Variants in KCTD10 observed in about 807,000 individuals in gnomAD.
KCTD10 encodes the protein potassium channel tetramerization domain containing 10, also known as BTB/POZ domain-containing adapter for CUL3-mediated RhoA degradation protein 3.
KCTD10 carries 13 observed loss-of-function variants against 34.6 expected under a neutral mutation model. The ratio of observed to expected loss-of-function variants is 0.38; its 90% CI spans 0.24 to 0.60. KCTD10 has a LOEUF of 0.60. Among genes scored for constraint, KCTD10 ranks in the 20% least tolerant of loss-of-function variants. KCTD10 has a pLI of 0.66. For missense variants in KCTD10, 256 were observed against 420.3 expected, an observed-to-expected ratio of 0.61 and a Z score of 3.42; for synonymous variants, 156 against 168.8, an observed-to-expected ratio of 0.92 and a Z score of 0.59.
At chr12:109,459,719 G>A (rs1292326415) in intron 3 of KCTD10, 1 of 152,180 alleles carries the variant, frequency 6.6e-6, no homozygotes, top group Non-Finnish European at 1.5e-5. Flanking sequence ...CATGCCAGTA[G>A]ATAATGTCAA....
At chr12:109,459,159 A>G (rs1217435292) in intron 3 of KCTD10, 1 of 141,792 alleles carries the variant, frequency 7.1e-6, no homozygotes, top group East Asian at 2.0e-4. Flanking sequence ...AAAGCAGGGC[A>G]TTCGGACAGC....
In KCTD10 at chr12:109,460,787, C is replaced by T; in HGVS notation, c.236G>A (p.Arg79His). The change falls in exon 3 of 7, where the codon CGC (arginine) becomes CAC (histidine). Residue 79 changes from arginine (R) to histidine (H), a missense_variant. By Grantham distance (29) the Arg-to-His change is conservative. Coordinates refer to ENST00000228495, the MANE Select transcript of KCTD10 (RefSeq NM_031954.5). The surrounding 1 kb of genome is among the most constrained non-coding windows in gnomAD (Gnocchi z 4.5). ...TATCGTACCAAAGTGCTTCCCACAG[C>T]GGTCAATGAGGATCCAGCCTGCAGA... ...TDSEGWILIDRCGKHFGTILN... is the reference protein window; with the variant it reads ...TDSEGWILIDHCGKHFGTILN... 3 of 1,614,094 alleles carry T rather than the reference C, an allele frequency of 1.9e-6. No homozygotes were observed. The highest frequency in any genetic ancestry group is 1.7e-5 in the Admixed American group (1 of 60,018).
Position 109,450,498 on chromosome 12 carries a change from CTG to C in KCTD10, c.*1095_*1096del. 5.0e-6 allele frequency: 2 copies of C among 398,206 alleles called. No homozygotes were observed. The highest frequency in any genetic ancestry group is 8.8e-6 in the Non-Finnish European group (2 of 226,010). The allele number at this position is 398,206 out of a possible 1,614,324, so 24.7% of individuals were successfully genotyped here. On this transcript the variant is annotated 3_prime_UTR_variant, in exon 7 of 7. Coordinates refer to ENST00000228495, the MANE Select transcript of KCTD10 (RefSeq NM_031954.5). ...CCTGTTCACTGCTGGCCACTCTACA[CTG>C]TGTAAAAATCAGAGGCAAAGACAAG...
intron 2 of KCTD10, among the ~76,000 whole-genome samples, chr12:109,466,021 G>A (rs1009796704): frequency 1.3e-5 from 2 of 152,198 alleles, no homozygotes; most frequent in East Asian, 1.9e-4. Context: ...ACCTACATCC[G>A]TGGACCAATG....
chr12:109,450,251 C>A lies in KCTD10; in HGVS notation c.*1344G>T, dbSNP rs76929980. ...TAGTCTCAACCACCCCTGTCAGTCA[C>A]GACTCACTCCTGTTCCTTTGCAGGT... On this transcript the variant is annotated 3_prime_UTR_variant, in exon 7 of 7. Transcript: ENST00000228495. The A allele has an allele frequency of 1.3e-3, 504 of 398,646 alleles. 5 individuals are homozygous for A. Among genetic ancestry groups the A allele is most frequent in the African/African-American group, 9.8e-3 (480 of 48,746 alleles). The allele number at this position is 398,646 out of a possible 1,614,324, so 24.7% of individuals were successfully genotyped here.
At chr12:109,465,180 C>G (rs186724147) in intron 2 of KCTD10, among the ~76,000 whole-genome samples, 1 of 104,982 alleles carries the variant, frequency 9.5e-6, no homozygotes, top group African/African-American at 3.6e-5. Flanking sequence ...ACATGATCAT[C>G]AACAGAATAT....
At chr12:109,474,796 G>A (rs1391625517) in intron 1 of KCTD10, among the ~76,000 whole-genome samples, 2 of 152,102 alleles carry the variant, frequency 1.3e-5, no homozygotes, top group Non-Finnish European at 2.9e-5. Flanking sequence ...CAGCTGAAGG[G>A]GGAAAATCAT....
intron 6 of KCTD10, among the ~76,000 whole-genome samples, chr12:109,454,664 G>A (rs1387014626): frequency 3.3e-5 from 5 of 152,200 alleles, no homozygotes; most frequent in Admixed American, 2.6e-4. Flanking sequence ...AGGAGTTCAA[G>A]GCTGCATTGA....
intron 1 of KCTD10, chr12:109,471,308 C>T (rs1375328751): frequency 1.0e-6 from 1 of 985,362 alleles, no homozygotes; most frequent in African/African-American, 1.7e-5. Context: ...TTATCCAACT[C>T]TTCTGGCCAA....
chr12:109,462,362 C>T (rs1243050745), intron 2 of KCTD10, among the ~76,000 whole-genome samples: 1 of 152,198 alleles, frequency 6.6e-6, no homozygotes, highest in Non-Finnish European at 1.5e-5. Context: ...TTCCAATTTC[C>T]TGAGTAGGTG....
Position 109,460,176 on chromosome 12 carries a change from T to A in KCTD10, c.387+460A>T, listed in dbSNP as rs76110565. On this transcript the variant is annotated intron_variant, in intron 3 of 6. Coordinates refer to ENST00000228495, the MANE Select transcript of KCTD10 (RefSeq NM_031954.5). This position sits in a 1 kb window ranked among gnomAD's most constrained non-coding sequence, Gnocchi z 4.5. ...GTTTGAAATAAAGGGGTGTTGGCCA[T>A]GTCTAGAAGCATTTTGTTTTTGTGG... 1 of 153,326 alleles carries A rather than the reference T, an allele frequency of 6.5e-6. No homozygotes were observed. Among genetic ancestry groups the A allele is most frequent in the Non-Finnish European group, 1.5e-5 (1 of 68,844 alleles). The allele number at this position is 153,326 out of a possible 1,614,324, so 9.5% of individuals were successfully genotyped here.
At chr12:109,470,274 C>T in intron 1 of KCTD10, 1 of 985,490 alleles carries the variant, frequency 1.0e-6, no homozygotes, top group Non-Finnish European at 1.2e-6. Context: ...AATGGGATTC[C>T]AGCTGGCACT....
At chr12:109,468,019 G>C (rs191437002) in intron 2 of KCTD10, among the ~76,000 whole-genome samples, 1 of 152,294 alleles carries the variant, frequency 6.6e-6, no homozygotes, top group Admixed American at 6.5e-5. Flanking sequence ...CAACAATCCT[G>C]GTTCTCAGAT....
At chr12:109,463,887 T>C (rs1873470827) in intron 2 of KCTD10, among the ~76,000 whole-genome samples, 1 of 152,206 alleles carries the variant, frequency 6.6e-6, no homozygotes, top group African/African-American at 2.4e-5. Flanking sequence ...TCTTTAACAA[T>C]CTCATCTTTC....
intron 1 of KCTD10, among the ~76,000 whole-genome samples, chr12:109,473,749 A>T (rs1874008433): frequency 6.7e-6 from 1 of 150,090 alleles, no homozygotes; most frequent in Admixed American, 6.6e-5. Flanking sequence ...CTCTCTAGGG[A>T]GGACTCTCCC....
rs113868756 is a variant in KCTD10 at position 109,460,396 on chromosome 12, T to A, written c.387+240A>T. On this transcript the variant is annotated intron_variant, in intron 3 of 6. Coordinates refer to ENST00000228495, the MANE Select transcript of KCTD10 (RefSeq NM_031954.5). The surrounding 1 kb of genome is among the most constrained non-coding windows in gnomAD (Gnocchi z 4.5). The stretch of plus-strand genomic sequence containing the variant: ...CTGCTGAAGGGTTGAGATGTACACA[T>A]GAGAAGATCCAACAGCATGGGGCTG... 8.2e-4 allele frequency: 430 copies of A among 524,570 alleles called. 1 individual carries two copies. Among genetic ancestry groups the A allele is most frequent in the African/African-American group, 7.4e-3 (385 of 52,254 alleles). 32.5% of individuals were successfully genotyped at this position (524,570 alleles called of 1,614,324 possible). A position where few individuals can be genotyped will look rare whatever the true frequency, so the allele number is the denominator to read the frequency against.
At chr12:109,461,409 C>T (rs11066714) in intron 2 of KCTD10, among the ~76,000 whole-genome samples, 12,077 of 152,188 alleles carry the variant, frequency 0.079, 1,078 homozygotes, top group African/African-American at 0.22. Context: ...AAGACAGACC[C>T]CACCCTCAGG....
intron 1 of KCTD10, among the ~76,000 whole-genome samples, chr12:109,473,738 C>T (rs2135684690): frequency 6.6e-6 from 1 of 152,018 alleles, no homozygotes; most frequent in Admixed American, 6.5e-5. Flanking sequence ...CCATAGCAAA[C>T]CTCTCTAGGG....
chr12:109,455,857 C>T (rs893142566), intron 6 of KCTD10, among the ~76,000 whole-genome samples: 4 of 152,150 alleles, frequency 2.6e-5, no homozygotes, highest in Non-Finnish European at 5.9e-5. Flanking sequence ...TATAAAAACA[C>T]ATCCCCAGAG....
Sources: gnomAD v4.1 joint callset for allele counts (sites outside exome capture counted in the v4.1 genomes callset) on GRCh38, gnomAD v4.1.1 for gene constraint, Gnocchi (gnomAD v3.1) non-coding constraint, MANE v1.5 for transcripts, NCBI Gene and HGNC (gene_info 2026-07-23, HGNC 2026-07-21) for gene names.